Variants in SUPT5H observed in about 807,000 individuals in gnomAD.
SUPT5H encodes SPT5 homolog, DSIF elongation factor subunit.
In SUPT5H, 24 loss-of-function variants were observed where a neutral mutation model predicts 142.5. That is an observed-to-expected ratio of 0.17 (90% CI 0.12 to 0.24). SUPT5H has a LOEUF of 0.24. SUPT5H is among the 10% of genes least tolerant of loss of function. The probability of loss-of-function intolerance (pLI) is 1.00; values close to 1 mark genes in which losing one functional copy is unlikely to be tolerated. For missense variants in SUPT5H, 893 were observed against 1,471.8 expected, an observed-to-expected ratio of 0.61 and a Z score of 6.43; for synonymous variants, 546 against 553.0, an observed-to-expected ratio of 0.99 and a Z score of 0.18.
intron 3 of SUPT5H, among the ~76,000 whole-genome samples, chr19:39,456,442 G>A (rs34892537): frequency 0.16 from 23,423 of 148,740 alleles, 1,964 homozygotes; most frequent in Non-Finnish European, 0.17. Flanking sequence ...TTTTTGAGAC[G>A]GAGTTTCCCT....
At chr19:39,457,850 G>A (rs748491517) in intron 4 of SUPT5H, 110 bp downstream of exon 4, 4 of 1,514,648 alleles carry the variant, frequency 2.6e-6, no homozygotes, top group Non-Finnish European at 3.6e-6. Flanking sequence ...AACTCCCACC[G>A]TCCTCACCTT....
chr19:39,472,921 C>T lies in SUPT5H; in HGVS notation c.2147C>T (p.Pro716Leu). The stretch of plus-strand genomic sequence containing the variant: ...CAGACCGTGCGCATCTCCCAGGGGC[C>T]CTACAAAGGTGACCTGCGAGGCCTG... ...IGQTVRISQG[P>L]YKGYIGVVKD... The change falls in exon 22 of 30, where the codon CCC becomes CTC. Residue 716 changes from proline (P) to leucine (L), a missense_variant. By Grantham distance (98) the Pro-to-Leu change is moderately conservative. Around this residue, in one of 6 missense-constraint regions of SUPT5H, gnomAD observed 336 missense variants for 546.5 expected, o/e 0.61. Transcript: ENST00000432763. This position sits in a 1 kb window ranked among gnomAD's most constrained non-coding sequence, Gnocchi z 4.2. 6.2e-7 allele frequency: 1 copy of T among 1,613,052 alleles called. No homozygotes were observed. Among genetic ancestry groups the T allele is most frequent in the Non-Finnish European group, 8.5e-7 (1 of 1,179,324 alleles).
At chr19:39,460,998 C>G (rs750220994) in intron 10 of SUPT5H, among the ~76,000 whole-genome samples, 2 of 152,100 alleles carry the variant, frequency 1.3e-5, no homozygotes, top group Non-Finnish European at 2.9e-5. Flanking sequence ...CCTCAAAGGC[C>G]GGCCATGGTG....
chr19:39,466,061 G>A lies in SUPT5H; in HGVS notation c.877-419G>A, dbSNP rs1394012133. 7.2e-5 allele frequency among the ~76,000 whole-genome samples: 11 copies of A among 152,190 alleles called. No individual in the cohort carries two copies. Among genetic ancestry groups the A allele is most frequent in the Admixed American group, 5.9e-4 (9 of 15,270 alleles). On this transcript the variant is annotated intron_variant, in intron 11 of 29. Coordinates refer to ENST00000432763, the MANE Select transcript of SUPT5H (RefSeq NM_001111020.3). The surrounding 1 kb of genome is among the most constrained non-coding windows in gnomAD (Gnocchi z 4.3). ...GGATTTGGAATGCTGAGACTGCAGT[G>A]GAGGAGGGGAAGAGGTCAGGTATTT...
At chr19:39,463,159 C>T (rs570665037) in intron 10 of SUPT5H, among the ~76,000 whole-genome samples, 2 of 150,426 alleles carry the variant, frequency 1.3e-5, no homozygotes, top group South Asian at 4.2e-4. Context: ...GCCTGGCCAA[C>T]CGGCCTTAAT....
rs1215373382 is a variant in SUPT5H at position 39,474,759 on chromosome 19, C to G, written c.3024+41C>G. ...GGTGGTGGGTGAGCAGGCATCCTCT[C>G]CTTGGTACCCCCTAAACTGGAGACA... On this transcript the variant is annotated intron_variant, in intron 28 of 29. Coordinates refer to ENST00000432763, the MANE Select transcript of SUPT5H (RefSeq NM_001111020.3). This position sits in a 1 kb window ranked among gnomAD's most constrained non-coding sequence, Gnocchi z 6.5. 1 of 1,562,572 alleles carries G rather than the reference C, an allele frequency of 6.4e-7. No individual in the cohort carries two copies. The highest frequency in any genetic ancestry group is 1.9e-5 in the Admixed American group (1 of 52,500).
At chr19:39,454,111 G>A (rs962810773) in intron 3 of SUPT5H, among the ~76,000 whole-genome samples, 7 of 152,204 alleles carry the variant, frequency 4.6e-5, no homozygotes, top group African/African-American at 1.4e-4. Context: ...TGTAAATGCT[G>A]CCTTGAGATA....
At position 39,468,737 on chromosome 19, in the gene SUPT5H, CTCCCCCA is replaced by C; in HGVS notation, c.1038-16_1038-10del. The C allele has an allele frequency of 6.2e-7, 1 of 1,605,726 alleles. No homozygotes were observed. The highest frequency in any genetic ancestry group is 1.1e-5 in the South Asian group (1 of 90,898). ...TCTTGACTCTCCCTTCTAATCTTCT[CTCCCCCA>C]TCAAATTCCAGGTCCCTGGGGGGTG... is the stretch of plus-strand genomic sequence containing the variant. On this transcript the variant is annotated splice_polypyrimidine_tract_variant and intron_variant, in intron 13 of 29. Transcript: ENST00000432763.
chr19:39,459,498 C>G (rs866337771), intron 8 of SUPT5H, 61 bp from the exon 9 acceptor site: 2 of 1,601,126 alleles, frequency 1.2e-6, no homozygotes, highest in African/African-American at 2.7e-5. Context: ...CCTGGGGGTT[C>G]GTCTGTTTGT....
In SUPT5H at chr19:39,476,153, A is replaced by G. The variant is rs2079402468; in HGVS notation, c.3097A>G (p.Ile1033Val). The G allele has an allele frequency of 1.9e-6, 3 of 1,614,078 alleles. No homozygotes were observed. The East Asian group carries it at 6.7e-5, about 36-fold the overall frequency. Reference sequence around the variant, plus strand: ...CATTTCCAGTGAGCACCTGGAGCCTATCACCCCCACCAAGAACAACAAGGT... The same window carrying G: ...CATTTCCAGTGAGCACCTGGAGCCTGTCACCCCCACCAAGAACAACAAGGT... Reference protein sequence around the residue: ...VSISSEHLEPITPTKNNKVKV... With the variant: ...VSISSEHLEPVTPTKNNKVKV... Residue 1033 changes from isoleucine to valine, a missense_variant, in exon 29 of 30, where the codon ATC (isoleucine) becomes GTC (valine). Ile to Val is a conservative substitution (Grantham distance 29). Coordinates refer to ENST00000432763, the MANE Select transcript of SUPT5H (RefSeq NM_001111020.3).
intron 28 of SUPT5H, chr19:39,475,084 A>G (rs1171268089): frequency 3.1e-6 from 1 of 318,188 alleles, no homozygotes; most frequent in East Asian, 8.1e-5. Context: ...TGGCTGGAAC[A>G]TAAAGAGCCA....
intron 2 of SUPT5H, among the ~76,000 whole-genome samples, chr19:39,446,245 T>G (rs886759901): frequency 6.6e-6 from 1 of 152,148 alleles, no homozygotes; most frequent in Non-Finnish European, 1.5e-5. Flanking sequence ...TTTTTAGTTA[T>G]GTCTAGTCAT....
At chr19:39,451,745 G>A (rs997209954) in intron 2 of SUPT5H, among the ~76,000 whole-genome samples, 4 of 152,028 alleles carry the variant, frequency 2.6e-5, no homozygotes, top group African/African-American at 2.4e-5. Flanking sequence ...TTGGCTAGGC[G>A]GGTCTTGTAC....
intron 3 of SUPT5H, among the ~76,000 whole-genome samples, chr19:39,454,779 C>A (rs1429235791): frequency 1.3e-5 from 2 of 152,208 alleles, no homozygotes; most frequent in Non-Finnish European, 2.9e-5. Context: ...ACTTAGAACA[C>A]ATCCTGCCTC....
chr19:39,471,205 T>G, intron 18 of SUPT5H, 152 bp from the exon 19 acceptor site: 1 of 910,390 alleles, frequency 1.1e-6, no homozygotes, highest in Non-Finnish European at 1.6e-6. Flanking sequence ...GGTGGCACTC[T>G]GCCTGCCTGC....
intron 3 of SUPT5H, 126 bp from the exon 4 acceptor site, chr19:39,457,549 G>T: frequency 6.7e-7 from 1 of 1,499,216 alleles, no homozygotes; most frequent in Non-Finnish European, 9.0e-7. Context: ...CTCCCTGTTG[G>T]AGCCTCAGTG....
In SUPT5H at chr19:39,474,322, G is replaced by C; in HGVS notation, c.2740G>C (p.Val914Leu). 1 of 1,613,940 alleles carries C rather than the reference G, an allele frequency of 6.2e-7. No homozygotes were observed. The highest frequency in any genetic ancestry group is 8.5e-7 in the Non-Finnish European group (1 of 1,179,966). ...PSPSPQSYHQVAPSPAGYQNT... is the reference protein window; with the variant it reads ...PSPSPQSYHQLAPSPAGYQNT... ...CCCCAGCCCCCAGAGCTACCACCAG[G>C]TGGCGCCAAGCCCAGCAGGCTACCA... Residue 914 changes from valine (V) to leucine (L), a missense_variant, in exon 27 of 30, where the codon GTG (valine) becomes CTG (leucine). Physicochemically the swap from Val to Leu is conservative, Grantham distance 32 (BLOSUM62 1). Coordinates refer to ENST00000432763, the MANE Select transcript of SUPT5H (RefSeq NM_001111020.3). The surrounding 1 kb of genome is among the most constrained non-coding windows in gnomAD (Gnocchi z 6.5).
Position 39,466,628 on chromosome 19 carries a change from CA to C in SUPT5H, c.967-45del. On this transcript the variant is annotated intron_variant, in intron 12 of 29. Coordinates refer to ENST00000432763, the MANE Select transcript of SUPT5H (RefSeq NM_001111020.3). The surrounding 1 kb of genome is among the most constrained non-coding windows in gnomAD (Gnocchi z 4.3). ...GAGTGTGCTCGATCCCACTGGTGGC[CA>C]AGCCCCCTCCCTCACCCTTCCCACC... 1 of 1,613,252 alleles carries C rather than the reference CA, an allele frequency of 6.2e-7. No homozygotes were observed. Among genetic ancestry groups the C allele is most frequent in the Non-Finnish European group, 8.5e-7 (1 of 1,179,178 alleles).
intron 13 of SUPT5H, chr19:39,468,090 C>G (rs2079267410): frequency 6.6e-6 from 1 of 152,322 alleles, no homozygotes; most frequent in African/African-American, 2.4e-5. Flanking sequence ...ATGAAGGAGG[C>G]TCCTTCCCCA....
Sources: gnomAD v4.1 joint callset for allele counts (sites outside exome capture counted in the v4.1 genomes callset) on GRCh38, gnomAD v4.1.1 for gene constraint, gnomAD v4.1.1 regional missense constraint, Gnocchi (gnomAD v3.1) non-coding constraint, MANE v1.5 for transcripts, NCBI Gene and HGNC (gene_info 2026-07-23, HGNC 2026-07-21) for gene names.